Variants in GRID2 observed in about 807,000 individuals in gnomAD.
GRID2 encodes glutamate ionotropic receptor delta type subunit 2, also known as glutamate receptor ionotropic, delta-2.
In GRID2, 33 loss-of-function variants were observed where a neutral mutation model predicts 114.8. That is an observed-to-expected ratio of 0.29 (90% CI 0.22 to 0.38). GRID2 has a LOEUF of 0.38. GRID2 is among the 10% of genes least tolerant of loss of function. The pLI is 1.00. For missense variants in GRID2, 1,184 were observed against 1,257.7 expected, an observed-to-expected ratio of 0.94 and a Z score of 0.89; for synonymous variants, 505 against 449.9, an observed-to-expected ratio of 1.12 and a Z score of -1.55.
Position 92,498,971 on chromosome 4 carries a change from T to C in GRID2, c.89-91160T>C, listed in dbSNP as rs1453669414. On this transcript the variant is annotated intron_variant, in intron 1 of 15. Transcript: ENST00000282020. ...CAAGTTAGAAGAACTGTGACCATAA[T>C]ATTGTCCAATTTTGTGACCTGAATA... Among the ~76,000 whole-genome samples the C allele has an allele frequency of 2.7e-5, 4 of 149,028 alleles. No individual in the cohort carries two copies. The East Asian group carries it at 7.9e-4, about 29-fold the overall frequency.
At chr4:93,108,839 C>G (rs1732502668) in intron 3 of GRID2, among the ~76,000 whole-genome samples, 2 of 152,040 alleles carry the variant, frequency 1.3e-5, no homozygotes, top group Non-Finnish European at 2.9e-5. Flanking sequence ...CCATATTGGC[C>G]AGGCTGGTCT....
chr4:93,765,387 TGCAATGCCCCA>T (rs1170946912), intron 14 of GRID2, among the ~76,000 whole-genome samples: 1 of 152,014 alleles, frequency 6.6e-6, no homozygotes, highest in African/African-American at 2.4e-5. Flanking sequence ...GAAATCTCCC[TGCAATGCCCCA>T]GCCACTTGTG....
intron 14 of GRID2, among the ~76,000 whole-genome samples, chr4:93,693,316 A>C (rs1726727461): frequency 6.6e-6 from 1 of 152,162 alleles, no homozygotes; most frequent in Non-Finnish European, 1.5e-5. Context: ...TTTGTTTGAC[A>C]ACTTTGACAT....
At chr4:93,417,250 T>G (rs184613438) in intron 9 of GRID2, among the ~76,000 whole-genome samples, 1 of 152,064 alleles carries the variant, frequency 6.6e-6, no homozygotes, top group African/African-American at 2.4e-5. Flanking sequence ...TAATCCCCTC[T>G]CTTGTAATAA....
intron 4 of GRID2, among the ~76,000 whole-genome samples, chr4:93,171,212 C>G (rs781540425): frequency 6.6e-6 from 1 of 152,142 alleles, no homozygotes; most frequent in Non-Finnish European, 1.5e-5. Flanking sequence ...TTATGTTACT[C>G]ACTTGGCTCC....
chr4:93,528,521 G>T lies in GRID2; in HGVS notation c.2193+13110G>T, dbSNP rs566666369. On this transcript the variant is annotated intron_variant, in intron 13 of 15. Transcript: ENST00000282020. ...TCATGTAAATCTAAATTCTATTTTA[G>T]TATGCATTTTTAAGAGGCACTATTT... Among the ~76,000 whole-genome samples the T allele has an allele frequency of 3.3e-5, 5 of 151,080 alleles. 1 individual carries two copies. Among genetic ancestry groups the T allele is most frequent in the African/African-American group, 1.2e-4 (5 of 41,136 alleles).
chr4:93,171,752 A>G (rs1738844118), intron 4 of GRID2, among the ~76,000 whole-genome samples: 1 of 152,256 alleles, frequency 6.6e-6, no homozygotes, highest in Non-Finnish European at 1.5e-5. Context: ...TTTCCAAAAT[A>G]AAAGAAATAA....
chr4:93,379,880 T>C (rs1378976000), intron 8 of GRID2, among the ~76,000 whole-genome samples: 1 of 152,118 alleles, frequency 6.6e-6, no homozygotes. Context: ...ACACAAAGCA[T>C]CAATTCTCCC....
rs150898524 is a variant in GRID2 at position 93,714,381 on chromosome 4, A to G, written c.2361-54829A>G. On this transcript the variant is annotated intron_variant, in intron 14 of 15. Coordinates refer to ENST00000282020, the MANE Select transcript of GRID2 (RefSeq NM_001510.4). ...TTGACTCCATGTCTTTGCTATTGTG[A>G]ATAATGCTGCAACAAACATATGTAT... 3.7e-3 allele frequency among the ~76,000 whole-genome samples: 565 copies of G among 152,224 alleles called. 3 individuals are homozygous for G. Among genetic ancestry groups the G allele is most frequent in the Non-Finnish European group, 6.0e-3 (410 of 68,010 alleles).
At chr4:93,382,457 C>T (rs1217601818) in intron 8 of GRID2, among the ~76,000 whole-genome samples, 1 of 151,602 alleles carries the variant, frequency 6.6e-6, no homozygotes, top group African/African-American at 2.4e-5. Flanking sequence ...TTGATAATTC[C>T]CATGGTCTTC....
chr4:92,944,798 G>T (rs1222882353), intron 2 of GRID2, among the ~76,000 whole-genome samples: 1 of 152,070 alleles, frequency 6.6e-6, no homozygotes, highest in Non-Finnish European at 1.5e-5. Flanking sequence ...CCTATAGTAT[G>T]TTGGACTTAT....
intron 2 of GRID2, among the ~76,000 whole-genome samples, chr4:92,809,166 A>T (rs1482273279): frequency 2.0e-5 from 3 of 151,968 alleles, no homozygotes; most frequent in African/African-American, 7.2e-5. Flanking sequence ...TTTAGAACAA[A>T]CATTTTAAGA....
intron 2 of GRID2, among the ~76,000 whole-genome samples, chr4:93,011,382 G>A (rs1311418527): frequency 6.6e-6 from 1 of 151,886 alleles, no homozygotes; most frequent in Non-Finnish European, 1.5e-5. Context: ...TATATCACCT[G>A]CCAGTAGTGA....
At chr4:92,857,077 A>G (rs1206304581) in intron 2 of GRID2, among the ~76,000 whole-genome samples, 1 of 152,166 alleles carries the variant, frequency 6.6e-6, no homozygotes, top group Non-Finnish European at 1.5e-5. Context: ...ATGATAGCAA[A>G]CTAAATCAAT....
chr4:93,588,081 T>C lies in GRID2; in HGVS notation c.2194-38188T>C, dbSNP rs369769525. 3.9e-5 allele frequency among the ~76,000 whole-genome samples: 6 copies of C among 152,230 alleles called. No individual in the cohort carries two copies. The East Asian group carries it at 5.8e-4, about 15-fold the overall frequency. On this transcript the variant is annotated intron_variant, in intron 13 of 15. Transcript: ENST00000282020. ...GAAAATGTTAACATGTAAGGTAGTATGAAAATACCTTCATGAAAAGTATGA... is the reference window on the plus strand; with the variant it reads ...GAAAATGTTAACATGTAAGGTAGTACGAAAATACCTTCATGAAAAGTATGA...
At chr4:93,004,218 A>C (rs1721280710) in intron 2 of GRID2, among the ~76,000 whole-genome samples, 1 of 151,966 alleles carries the variant, frequency 6.6e-6, no homozygotes, top group Non-Finnish European at 1.5e-5. Context: ...TGACCAAAAA[A>C]AGTCTTTTTT....
chr4:93,105,678 A>C (rs938463807), intron 3 of GRID2, among the ~76,000 whole-genome samples: 5 of 152,078 alleles, frequency 3.3e-5, no homozygotes, highest in African/African-American at 1.2e-4. Context: ...TTCTTCACTC[A>C]AGATCTCTTT....
intron 1 of GRID2, among the ~76,000 whole-genome samples, chr4:92,512,329 G>A (rs1560680613): frequency 6.6e-6 from 1 of 151,788 alleles, no homozygotes; most frequent in South Asian, 2.1e-4. Flanking sequence ...GCTGCTCTAA[G>A]CATGGTTGTA....
At chr4:92,592,352 A>C (rs1260576272) in intron 2 of GRID2, among the ~76,000 whole-genome samples, 1 of 152,136 alleles carries the variant, frequency 6.6e-6, no homozygotes, top group East Asian at 1.9e-4. Context: ...TAAGAAAAAA[A>C]ATGAAATGAA....
Sources: allele counts gnomAD v4.1 joint callset (sites outside exome capture counted in the v4.1 genomes callset), GRCh38; gene constraint gnomAD v4.1.1; transcripts MANE v1.5; gene names NCBI Gene and HGNC (gene_info 2026-07-23, HGNC 2026-07-21).